ANXA4: variants seen among roughly 807,000 people sequenced by gnomAD.
ANXA4 encodes annexin A4.
Under a neutral mutation model 49.8 loss-of-function variants are expected in ANXA4, and 39 were observed. The ratio of observed to expected loss-of-function variants is 0.78; its 90% CI spans 0.61 to 1.02. ANXA4 has a LOEUF of 1.02. Ranked by LOEUF, ANXA4 falls within the 50% of genes least tolerant of loss-of-function variation. The probability of loss-of-function intolerance (pLI) is 0.00; values close to 1 mark genes in which losing one functional copy is unlikely to be tolerated. For synonymous variants in ANXA4, 134 were observed against 152.5 expected (o/e 0.88, Z 0.89); for missense variants, 360 against 410.1 (o/e 0.88, Z 1.05).
intron 3 of ANXA4, among the ~76,000 whole-genome samples, chr2:69,795,021 G>C (rs1011514336): frequency 6.6e-6 from 1 of 152,158 alleles, no homozygotes; most frequent in Admixed American, 6.5e-5. Flanking sequence ...ACCAGAACTA[G>C]GTACTTTACT....
intron 9 of ANXA4, chr2:69,818,338 A>G: frequency 4.1e-6 from 1 of 244,614 alleles, no homozygotes; most frequent in Non-Finnish European, 7.8e-6. Context: ...GGCCATCTCC[A>G]TTTTATGTGT....
At chr2:69,786,410 A>G (rs1224533231) in intron 2 of ANXA4, among the ~76,000 whole-genome samples, 5 of 152,064 alleles carry the variant, frequency 3.3e-5, no homozygotes, top group African/African-American at 4.8e-5. Flanking sequence ...TGGTCTCTGC[A>G]TCTCTCTACA....
intron 2 of ANXA4, among the ~76,000 whole-genome samples, chr2:69,706,857 T>C (rs988552820): frequency 7.9e-5 from 12 of 152,358 alleles, no homozygotes; most frequent in African/African-American, 2.9e-4. Context: ...TTTCTCATTG[T>C]ATGGATAGAC....
intron 3 of ANXA4, among the ~76,000 whole-genome samples, chr2:69,725,146 G>T (rs941921238): frequency 2.6e-5 from 4 of 152,144 alleles, no homozygotes; most frequent in African/African-American, 9.7e-5. Context: ...GAAATGCCAG[G>T]AGGGCTTACT....
intron 2 of ANXA4, among the ~76,000 whole-genome samples, chr2:69,669,610 CA>C (rs201802569): frequency 1.7e-3 from 224 of 134,038 alleles, no homozygotes; most frequent in Non-Finnish European, 2.1e-3. Context: ...GACTCCATCT[CA>C]AAAAAAAAAA....
At chr2:69,660,440 A>C (rs1334291424) in intron 2 of ANXA4, among the ~76,000 whole-genome samples, 1 of 152,146 alleles carries the variant, frequency 6.6e-6, no homozygotes, top group Non-Finnish European at 1.5e-5. Flanking sequence ...ACAAGAAAAA[A>C]ATCACCCATA....
At chr2:69,798,960 C>G (rs1209543797) in intron 3 of ANXA4, among the ~76,000 whole-genome samples, 1 of 152,146 alleles carries the variant, frequency 6.6e-6, no homozygotes, top group Non-Finnish European at 1.5e-5. Flanking sequence ...AAGAACAGAA[C>G]AGCTCACAGT....
At chr2:69,664,648 G>T (rs973039036) in intron 2 of ANXA4, among the ~76,000 whole-genome samples, 4 of 152,162 alleles carry the variant, frequency 2.6e-5, no homozygotes, top group African/African-American at 9.7e-5. Context: ...ACTTCCTGCA[G>T]CAGACTGTAT....
intron 3 of ANXA4, among the ~76,000 whole-genome samples, chr2:69,730,016 G>T (rs1463591730): frequency 1.3e-5 from 2 of 152,188 alleles, no homozygotes; most frequent in Non-Finnish European, 2.9e-5. Context: ...TAGAGACCGT[G>T]CCCTTTATTC....
intron 1 of ANXA4, among the ~76,000 whole-genome samples, chr2:69,761,754 G>A (rs1315661176): frequency 6.9e-6 from 1 of 145,930 alleles, no homozygotes; most frequent in Non-Finnish European, 1.5e-5. Flanking sequence ...GACCCCGTCT[G>A]TGACAGAGCA....
At chr2:69,753,062 C>G (rs564224271) in intron 1 of ANXA4, among the ~76,000 whole-genome samples, 1 of 152,192 alleles carries the variant, frequency 6.6e-6, no homozygotes, top group Non-Finnish European at 1.5e-5. Flanking sequence ...CCATCTTCCC[C>G]TACCCTGCAA....
At chr2:69,679,530 TG>T (rs1677525127) in intron 2 of ANXA4, among the ~76,000 whole-genome samples, 1 of 152,194 alleles carries the variant, frequency 6.6e-6, no homozygotes. Flanking sequence ...TGCTTATTTT[TG>T]TGGGGGTTTT....
chr2:69,771,979 A>G (rs187490135), intron 1 of ANXA4, among the ~76,000 whole-genome samples: 1 of 152,314 alleles, frequency 6.6e-6, no homozygotes, highest in Non-Finnish European at 1.5e-5. Flanking sequence ...AAAACTTCAG[A>G]TCCCTATCCT....
intron 2 of ANXA4, among the ~76,000 whole-genome samples, chr2:69,671,874 A>T (rs1677205513): frequency 6.6e-6 from 1 of 152,192 alleles, no homozygotes; most frequent in Non-Finnish European, 1.5e-5. Context: ...TGTTGATAAG[A>T]TGTGGAGCAA....
chr2:69,763,433 A>G (rs1258329902), intron 1 of ANXA4, among the ~76,000 whole-genome samples: 1 of 151,960 alleles, frequency 6.6e-6, no homozygotes, highest in African/African-American at 2.4e-5. Context: ...CCACGTGGGC[A>G]AATAGAGGTG....
chr2:69,757,958 CAAAAAAA>C (rs11296004), intron 1 of ANXA4, among the ~76,000 whole-genome samples: 1 of 95,136 alleles, frequency 1.1e-5, no homozygotes. Flanking sequence ...GACTTTGTCT[CAAAAAAA>C]AAAAAAAAAA....
In ANXA4 at chr2:69,810,581, A is replaced by C. The variant is rs953266071; in HGVS notation, c.398-13A>C. 5 of 1,611,820 alleles carry C rather than the reference A, an allele frequency of 3.1e-6. No homozygotes were observed. In the African/African-American group the frequency reaches 6.7e-5, roughly 22 times the overall value. On this transcript the variant is annotated splice_polypyrimidine_tract_variant and intron_variant, in intron 6 of 12. Coordinates refer to ENST00000394295, the MANE Select transcript of ANXA4 (RefSeq NM_001153.5). The stretch of plus-strand genomic sequence containing the variant: ...TCTTAATTCTGAAGTAGCTAATTTC[A>C]CTCTCTTGCTAGAATATGGACGGAG...
At chr2:69,817,753 G>T (rs1674062241) in intron 9 of ANXA4, 1 of 152,154 alleles carries the variant, frequency 6.6e-6, no homozygotes, top group Non-Finnish European at 1.5e-5. Context: ...CCCTACTTCA[G>T]ACTGGCTGAA....
chr2:69,672,952 A>AAACC (rs1677244595), intron 2 of ANXA4, among the ~76,000 whole-genome samples: 1 of 152,218 alleles, frequency 6.6e-6, no homozygotes, highest in Admixed American at 6.5e-5. Context: ...ATGCAAATCA[A>AAACC]AACCACAATG....
Sources: allele counts gnomAD v4.1 joint callset (sites outside exome capture counted in the v4.1 genomes callset), GRCh38; gene constraint gnomAD v4.1.1; transcripts MANE v1.5; gene names NCBI Gene and HGNC (gene_info 2026-07-23, HGNC 2026-07-21).